The following ATP2C2 variants were observed in gnomAD, a reference collection of about 807,000 sequenced individuals.
The protein encoded by ATP2C2 is calcium-transporting ATPase type 2C member 2.
ATP2C2 carries 171 observed loss-of-function variants against 110.8 expected under a neutral mutation model. The observed-to-expected ratio is 1.54, with a 90% CI of 1.36 to 1.75. The LOEUF (loss-of-function observed/expected upper bound fraction) is 1.75, where lower values mean the gene tolerates loss of function less well. ATP2C2 is among the 40% of genes most tolerant of loss of function. The pLI, the probability that ATP2C2 is intolerant of heterozygous loss-of-function variation, is 0.00. For missense variants in ATP2C2, 1,963 were observed against 1,235.0 expected (o/e 1.59, Z -8.84); for synonymous variants, 804 against 508.4 (o/e 1.58, Z -7.82).
chr16:84,375,653 C>T (rs551122025), intron 1 of ATP2C2, among the ~76,000 whole-genome samples: 1 of 152,176 alleles, frequency 6.6e-6, no homozygotes, highest in Non-Finnish European at 1.5e-5. Context: ...CCATCTTTGC[C>T]CCTCATGATG....
Position 84,463,870 on chromosome 16 carries a change from G to C in ATP2C2, c.*138G>C. 1 of 790,626 alleles carries C rather than the reference G, an allele frequency of 1.3e-6. No homozygotes were observed. Among genetic ancestry groups the C allele is most frequent in the African/African-American group, 1.7e-5 (1 of 58,048 alleles). The allele number at this position is 790,626 out of a possible 1,614,324, so 49.0% of individuals were successfully genotyped here. On this transcript the variant is annotated 3_prime_UTR_variant, in exon 27 of 27. Transcript: ENST00000262429. ...CGGATCAGTTTTTCCTCTTAGGAAA[G>C]CTGCAGGAACCTCGTGGGCTCCAGG...
intron 11 of ATP2C2, among the ~76,000 whole-genome samples, chr16:84,437,908 A>G (rs1350578529): frequency 6.6e-6 from 1 of 152,180 alleles, no homozygotes; most frequent in Non-Finnish European, 1.5e-5. Flanking sequence ...GCCCTAAGCA[A>G]TCGCTCATCT....
intron 1 of ATP2C2, among the ~76,000 whole-genome samples, chr16:84,382,955 C>T (rs1400039800): frequency 2.0e-5 from 3 of 151,954 alleles, no homozygotes; most frequent in Non-Finnish European, 2.9e-5. Context: ...GAAGAGCTGC[C>T]CCTCTTCCTG....
chr16:84,449,982 G>A (rs1344120271), intron 17 of ATP2C2, among the ~76,000 whole-genome samples: 1 of 152,240 alleles, frequency 6.6e-6, no homozygotes, highest in East Asian at 1.9e-4. Flanking sequence ...CCGGGCAGAG[G>A]AGCCGGCCCA....
intron 1 of ATP2C2, among the ~76,000 whole-genome samples, chr16:84,390,835 C>T (rs536688450): frequency 1.2e-4 from 19 of 152,204 alleles, no homozygotes; most frequent in East Asian, 1.2e-3. Context: ...AAAAGGGGGC[C>T]GGGCGCGGTG....
intron 18 of ATP2C2, among the ~76,000 whole-genome samples, chr16:84,452,629 G>C (rs978535965): frequency 3.3e-5 from 5 of 151,278 alleles, no homozygotes; most frequent in African/African-American, 1.2e-4. Context: ...CTCCTGAGTA[G>C]CTGGGACTAC....
At position 84,453,214 on chromosome 16, in the gene ATP2C2, G is replaced by A; in HGVS notation, c.1908G>A (p.Glu636=). Residue 636 remains glutamate, a synonymous_variant, in exon 19 of 27, where the codon GAG becomes GAA. Transcript: ENST00000262429. ...AGGTGGACAGCGTGGAGAAGGGCGA[G>A]CTGGCCGACCGCGTGGGGAAGGTGG... ...GEEVDSVEKG[E]LADRVGKVSV... is the part of the protein sequence containing the mutation. 2 of 1,613,914 alleles carry A rather than the reference G, an allele frequency of 1.2e-6. No individual in the cohort carries two copies. Among genetic ancestry groups the A allele is most frequent in the Non-Finnish European group, 8.5e-7 (1 of 1,179,812 alleles).
chr16:84,380,509 G>A (rs1270989659), intron 1 of ATP2C2, among the ~76,000 whole-genome samples: 2 of 152,218 alleles, frequency 1.3e-5, no homozygotes, highest in Non-Finnish European at 2.9e-5. Context: ...GGTTGGGGGA[G>A]GCGGAGGGAG....
intron 2 of ATP2C2, among the ~76,000 whole-genome samples, chr16:84,400,621 C>T (rs1905261875): frequency 6.6e-6 from 1 of 152,170 alleles, no homozygotes; most frequent in Non-Finnish European, 1.5e-5. Flanking sequence ...GCCACCGCGC[C>T]CAGCGTATTT....
chr16:84,461,987 G>T lies in ATP2C2; in HGVS notation c.2581-1G>T. The T allele has an allele frequency of 6.2e-7, 1 of 1,613,352 alleles. No individual in the cohort carries two copies. The highest frequency in any genetic ancestry group is 1.1e-5 in the South Asian group (1 of 91,024). The stretch of plus-strand genomic sequence containing the variant: ...TCCCCCGTGTGACCTTCTCCCTGCA[G>T]ACCAAGCTGATATTTGAGATCGGCT... On this transcript the variant is annotated splice_acceptor_variant, in intron 25 of 26. Coordinates refer to ENST00000262429, the MANE Select transcript of ATP2C2 (RefSeq NM_014861.4). LOFTEE classifies it high-confidence loss of function.
chr16:84,419,265 A>G (rs1907114063), intron 7 of ATP2C2, among the ~76,000 whole-genome samples: 1 of 146,174 alleles, frequency 6.8e-6, no homozygotes, highest in Non-Finnish European at 1.5e-5. Flanking sequence ...GCTCCTGCAG[A>G]GGCTCCAGGG....
At chr16:84,392,156 G>C (rs895457873) in intron 1 of ATP2C2, among the ~76,000 whole-genome samples, 1 of 152,040 alleles carries the variant, frequency 6.6e-6, no homozygotes, top group African/African-American at 2.4e-5. Flanking sequence ...CCAATGAGGG[G>C]AGCCAATCTT....
chr16:84,444,859 C>T (rs961065646), intron 15 of ATP2C2, among the ~76,000 whole-genome samples: 5 of 152,350 alleles, frequency 3.3e-5, no homozygotes, highest in African/African-American at 9.6e-5. Context: ...ATGGGGCAAG[C>T]ACTTTGTGGT....
At chr16:84,415,836 C>G (rs1597795751) in intron 7 of ATP2C2, among the ~76,000 whole-genome samples, 1 of 152,274 alleles carries the variant, frequency 6.6e-6, no homozygotes, top group East Asian at 1.9e-4. Flanking sequence ...TACGATTTTC[C>G]AGTTTAAAGC....
intron 20 of ATP2C2, among the ~76,000 whole-genome samples, 159 bp downstream of exon 20, chr16:84,453,530 G>A (rs1276264816): frequency 6.6e-6 from 1 of 152,136 alleles, no homozygotes; most frequent in Non-Finnish European, 1.5e-5. Flanking sequence ...CCTTTTCATA[G>A]CCAGGGGGAG....
At chr16:84,451,818 A>T in intron 17 of ATP2C2, 103 bp from the exon 18 acceptor site, 3 of 1,236,828 alleles carry the variant, frequency 2.4e-6, no homozygotes, top group Non-Finnish European at 3.4e-6. Context: ...AACCTGGGCG[A>T]TAAGAACAAA....
chr16:84,370,656 C>G (rs1444264448), intron 1 of ATP2C2, among the ~76,000 whole-genome samples: 1 of 148,548 alleles, frequency 6.7e-6, no homozygotes, highest in Admixed American at 6.8e-5. Context: ...GTGATCACTT[C>G]TACAATAGTT....
intron 1 of ATP2C2, among the ~76,000 whole-genome samples, chr16:84,387,280 G>A (rs1449245622): frequency 1.3e-5 from 2 of 152,074 alleles, no homozygotes; most frequent in African/African-American, 4.8e-5. Context: ...CCAGCGCGTT[G>A]GGAGGCCCAG....
chr16:84,399,370 A>C (rs1369883045), intron 2 of ATP2C2, among the ~76,000 whole-genome samples: 1 of 152,186 alleles, frequency 6.6e-6, no homozygotes, highest in East Asian at 1.9e-4. Context: ...CTAGCTAGAA[A>C]ATGAGCTAGA....
Sources: gnomAD v4.1 joint callset for allele counts (sites outside exome capture counted in the v4.1 genomes callset) on GRCh38, gnomAD v4.1.1 for gene constraint, MANE v1.5 for transcripts, NCBI Gene and HGNC (gene_info 2026-07-23, HGNC 2026-07-21) for gene names.